The following PPP6R2 variants were observed in gnomAD, a reference collection of about 807,000 sequenced individuals.
PPP6R2 encodes serine/threonine-protein phosphatase 6 regulatory subunit 2.
PPP6R2 carries 62 observed loss-of-function variants against 100.2 expected under a neutral mutation model. The ratio of observed to expected loss-of-function variants is 0.62; its 90% CI spans 0.50 to 0.76. The LOEUF (loss-of-function observed/expected upper bound fraction) is 0.76. Among genes scored for constraint, PPP6R2 ranks in the 30% least tolerant of loss-of-function variants. PPP6R2 has a pLI of 0.00. For missense variants in PPP6R2, 1,142 were observed against 1,276.3 expected (o/e 0.89, Z 1.60); for synonymous variants, 525 against 514.7 (o/e 1.02, Z -0.27).
intron 8 of PPP6R2, among the ~76,000 whole-genome samples, chr22:50,419,900 GT>G (rs1215352706): frequency 6.6e-6 from 1 of 152,232 alleles, no homozygotes; most frequent in African/African-American, 2.4e-5. Context: ...ACTCACCGCT[GT>G]CTCCCGTGCC....
At chr22:50,442,592 C>T (rs2065931994) in intron 22 of PPP6R2, among the ~76,000 whole-genome samples, 1 of 152,122 alleles carries the variant, frequency 6.6e-6, no homozygotes, top group Non-Finnish European at 1.5e-5. Context: ...CTCTGTTGCC[C>T]AGGCTGGAGT....
rs764226369 is a variant in PPP6R2, at chr22:50,423,464, G to A, written c.975G>A (p.Lys325=). 6.2e-7 allele frequency: 1 copy of A among 1,614,240 alleles called. No homozygotes were observed. The highest frequency in any genetic ancestry group is 1.7e-5 in the Admixed American group (1 of 60,026). Residue 325 remains lysine, a splice_region_variant and synonymous_variant, in exon 10 of 24, where the codon AAG becomes AAA. Transcript: ENST00000612753. This position sits in a 1 kb window ranked among gnomAD's most constrained non-coding sequence, Gnocchi z 4.8. ...FHQLLLNPPK[K]KAILTTIGVL... Reference sequence around the variant, plus strand: ...GGTGGTGCCTTCTGTGTTTGCAGAAGAAAGCGATCCTGACCACCATTGGTG... The same window carrying A: ...GGTGGTGCCTTCTGTGTTTGCAGAAAAAAGCGATCCTGACCACCATTGGTG...
intron 10 of PPP6R2, among the ~76,000 whole-genome samples, chr22:50,426,704 A>T (rs5770967): frequency 2.0e-5 from 3 of 151,676 alleles, no homozygotes; most frequent in African/African-American, 7.3e-5. Flanking sequence ...GCATGGTGGC[A>T]GCGCCTGTAA....
intron 1 of PPP6R2, among the ~76,000 whole-genome samples, chr22:50,358,142 A>G: frequency 6.6e-6 from 1 of 151,472 alleles, no homozygotes; most frequent in Non-Finnish European, 1.5e-5. Flanking sequence ...CTTGGTAGAG[A>G]TGGGGGTCTC....
chr22:50,350,174 T>C (rs1468591962), intron 1 of PPP6R2, among the ~76,000 whole-genome samples: 1 of 152,146 alleles, frequency 6.6e-6, no homozygotes, highest in South Asian at 2.1e-4. Flanking sequence ...CAGCTCCTTA[T>C]CTGTTTTATC....
chr22:50,419,508 C>T (rs1372280989), intron 8 of PPP6R2, 46 bp downstream of exon 8: 4 of 1,357,734 alleles, frequency 2.9e-6, no homozygotes, highest in Admixed American at 1.7e-5. Flanking sequence ...CTTGACGCCT[C>T]AGTGATATGG....
chr22:50,369,047 T>C (rs774713816), intron 1 of PPP6R2, among the ~76,000 whole-genome samples: 1 of 152,134 alleles, frequency 6.6e-6, no homozygotes, highest in Non-Finnish European at 1.5e-5. Flanking sequence ...ACGACCAGCC[T>C]GACCAACATG....
At chr22:50,384,554 C>T (rs1490995403) in intron 2 of PPP6R2, among the ~76,000 whole-genome samples, 8 of 151,906 alleles carry the variant, frequency 5.3e-5, no homozygotes, top group African/African-American at 1.5e-4. Context: ...GACTCCGTCT[C>T]AAAAAAAGAA....
chr22:50,340,061 G>T (rs1278717164), upstream of PPP6R2, among the ~76,000 whole-genome samples: 1 of 142,682 alleles, frequency 7.0e-6, no homozygotes, highest in African/African-American at 2.6e-5. Context: ...TGTGGTGTGT[G>T]GTGTGTGATG....
intron 1 of PPP6R2, among the ~76,000 whole-genome samples, chr22:50,355,874 A>T (rs1397018272): frequency 2.6e-5 from 4 of 151,074 alleles, no homozygotes; most frequent in African/African-American, 4.9e-5. Context: ...GCTTTTAAAA[A>T]TTTTTCTCTT....
chr22:50,360,973 A>G (rs1053905738), intron 1 of PPP6R2, among the ~76,000 whole-genome samples: 2 of 152,186 alleles, frequency 1.3e-5, no homozygotes, highest in Non-Finnish European at 2.9e-5. Context: ...GCTACTGTGG[A>G]CAGTCAGACC....
In PPP6R2 at chr22:50,395,923, C is replaced by T. The variant is rs555388325; in HGVS notation, c.227+1788C>T. 1.2e-4 allele frequency among the ~76,000 whole-genome samples: 18 copies of T among 150,200 alleles called. No individual in the cohort carries two copies. In the East Asian group the frequency reaches 1.2e-3, roughly 10 times the overall value. ...GAAAAAAAAATCGAAGCTCGGGCATCGTGGCTCATACCTGTAATCCCAGCA... is the reference window on the plus strand; with the variant it reads ...GAAAAAAAAATCGAAGCTCGGGCATTGTGGCTCATACCTGTAATCCCAGCA... On this transcript the variant is annotated intron_variant, in intron 3 of 23. Coordinates refer to ENST00000612753, the MANE Select transcript of PPP6R2 (RefSeq NM_001242898.2).
chr22:50,433,202 TCTGGAGGTGAAC>T (rs1485010265), intron 12 of PPP6R2, among the ~76,000 whole-genome samples: 2 of 134,596 alleles, frequency 1.5e-5, no homozygotes, highest in Non-Finnish European at 3.2e-5. Context: ...GGGCATTTGC[TCTGGAGGTGAAC>T]CTGGAGGAGG....
chr22:50,361,144 A>T (rs921678691), intron 1 of PPP6R2, among the ~76,000 whole-genome samples: 23 of 152,142 alleles, frequency 1.5e-4, no homozygotes, highest in Admixed American at 4.6e-4. Flanking sequence ...TTCCTGGACT[A>T]GTTCGGTCCT....
At chr22:50,432,352 G>C (rs758547130) in intron 12 of PPP6R2, 23 bp downstream of exon 12, 2 of 1,545,132 alleles carry the variant, frequency 1.3e-6, no homozygotes, top group South Asian at 2.4e-5. Flanking sequence ...CGGACGTGGA[G>C]GGACCCAGCC....
At chr22:50,339,142 TGTG>T (rs750595040), upstream of PPP6R2, among the ~76,000 whole-genome samples, 14 of 144,556 alleles carry the variant, frequency 9.7e-5, no homozygotes, top group East Asian at 2.1e-4. Flanking sequence ...GTGTGTGGTT[TGTG>T]GTGTGTGTGT....
intron 1 of PPP6R2, among the ~76,000 whole-genome samples, chr22:50,370,495 G>C (rs1015595556): frequency 5.3e-5 from 8 of 151,368 alleles, no homozygotes; most frequent in African/African-American, 1.5e-4. Flanking sequence ...CACTATGTTG[G>C]CCAGACTGGT....
intron 3 of PPP6R2, among the ~76,000 whole-genome samples, chr22:50,395,672 C>A (rs1050776468): frequency 3.9e-5 from 6 of 152,084 alleles, no homozygotes; most frequent in African/African-American, 1.4e-4. Flanking sequence ...GTGATCCTCC[C>A]GCCTTAGCCT....
intron 1 of PPP6R2, among the ~76,000 whole-genome samples, chr22:50,359,755 C>T (rs984583453): frequency 6.6e-6 from 1 of 152,166 alleles, no homozygotes; most frequent in African/African-American, 2.4e-5. Flanking sequence ...AGGCTTTTTA[C>T]ATCTACCTTC....
Sources: allele counts gnomAD v4.1 joint callset (sites outside exome capture counted in the v4.1 genomes callset), GRCh38; gene constraint gnomAD v4.1.1; non-coding constraint Gnocchi (gnomAD v3.1); transcripts MANE v1.5; gene names NCBI Gene and HGNC (gene_info 2026-07-23, HGNC 2026-07-21).